MDGA2: variants seen among roughly 807,000 people sequenced by gnomAD.
MDGA2 encodes the protein MAM domain containing glycosylphosphatidylinositol anchor 2, also known as MAM domain-containing glycosylphosphatidylinositol anchor protein 2.
A neutral mutation model predicts 117.8 loss-of-function variants in MDGA2; 40 were observed. That is an observed-to-expected ratio of 0.34 (90% CI 0.26 to 0.44). The LOEUF is 0.44. MDGA2 is among the 20% of genes least tolerant of loss of function. The probability of loss-of-function intolerance (pLI) is 1.00; values close to 1 mark genes in which losing one functional copy is unlikely to be tolerated. For synonymous variants in MDGA2, 452 were observed against 439.0 expected (o/e 1.03, Z -0.37); for missense variants, 1,123 against 1,250.6 (o/e 0.90, Z 1.54).
intron 10 of MDGA2, among the ~76,000 whole-genome samples, chr14:46,899,717 G>T (rs753959848): frequency 6.6e-6 from 1 of 152,052 alleles, no homozygotes; most frequent in African/African-American, 2.4e-5. Flanking sequence ...AAGTGATTTT[G>T]TAAGTTGCTA....
intron 3 of MDGA2, among the ~76,000 whole-genome samples, chr14:47,155,879 CTTCTTCTTCTTTTTTTTTTTTTTTT>C (rs1883350834): frequency 2.2e-5 from 1 of 44,638 alleles, no homozygotes; most frequent in East Asian, 6.2e-4. Flanking sequence ...TTCTTTTCTT[CTTCTTCTTCTTTTTTTTTTTTTTTT>C]TTTTTTTTTT....
At chr14:47,178,616 A>G (rs1015767948) in intron 3 of MDGA2, among the ~76,000 whole-genome samples, 36 of 152,200 alleles carry the variant, frequency 2.4e-4, no homozygotes, top group African/African-American at 8.2e-4. Context: ...TAAATAAATA[A>G]AAGAACATTT....
At chr14:47,145,041 C>G (rs1882886227) in intron 3 of MDGA2, among the ~76,000 whole-genome samples, 1 of 151,758 alleles carries the variant, frequency 6.6e-6, no homozygotes, top group Non-Finnish European at 1.5e-5. Flanking sequence ...ATGTATAGTA[C>G]CAAAATATGA....
rs537075989 is a variant in MDGA2, at chr14:47,499,169, A to G, written c.280+175348T>C. Among the ~76,000 whole-genome samples, 12 of 152,238 alleles carry G rather than the reference A, an allele frequency of 7.9e-5. No individual in the cohort carries two copies. In the South Asian group the frequency reaches 2.3e-3, roughly 29 times the overall value. ...TAATTATTTCAGCTGGAACTAGTCC[A>G]TAATATAATATAATGGAACAAAGTT... On this transcript the variant is annotated intron_variant, in intron 1 of 16. Coordinates refer to ENST00000399232, the MANE Select transcript of MDGA2 (RefSeq NM_001113498.3).
Position 46,891,064 on chromosome 14 carries a change from G to A in MDGA2, c.2239-8843C>T, listed in dbSNP as rs142479376. 4.6e-3 allele frequency among the ~76,000 whole-genome samples: 696 copies of A among 152,012 alleles called. 8 individuals are homozygous for A. The highest frequency in any genetic ancestry group is 0.013 in the African/African-American group (524 of 41,512). On this transcript the variant is annotated intron_variant, in intron 10 of 16. Transcript: ENST00000399232. The stretch of plus-strand genomic sequence containing the variant: ...ATGAAAACAAAGACTGTCATTTTAC[G>A]TAGTCTTTAATATTCAGTACATATT...
At chr14:47,283,657 T>C (rs1888575487) in intron 2 of MDGA2, among the ~76,000 whole-genome samples, 1 of 152,258 alleles carries the variant, frequency 6.6e-6, no homozygotes, top group Non-Finnish European at 1.5e-5. Flanking sequence ...CTTGTCATTG[T>C]CAAATTCTCA....
At chr14:46,998,498 T>C (rs1433410441) in intron 8 of MDGA2, among the ~76,000 whole-genome samples, 2 of 152,084 alleles carry the variant, frequency 1.3e-5, no homozygotes, top group South Asian at 4.1e-4. Flanking sequence ...GTATTTAATT[T>C]TAAAACTCCA....
chr14:47,368,234 A>G (rs892360550), intron 1 of MDGA2, among the ~76,000 whole-genome samples: 1 of 152,138 alleles, frequency 6.6e-6, no homozygotes, highest in Non-Finnish European at 1.5e-5. Flanking sequence ...GTGAGCTGAG[A>G]CCACACCATT....
intron 1 of MDGA2, among the ~76,000 whole-genome samples, chr14:47,393,093 AAATAATAATAATAAT>A (rs10601470): frequency 6.8e-6 from 1 of 147,378 alleles, no homozygotes; most frequent in African/African-American, 2.5e-5. Context: ...CAGATAATTA[AAATAATAATAATAAT>A]AATAATAATA....
At chr14:47,131,285 T>A (rs1882192684) in intron 5 of MDGA2, among the ~76,000 whole-genome samples, 1 of 152,004 alleles carries the variant, frequency 6.6e-6, no homozygotes, top group Non-Finnish European at 1.5e-5. Flanking sequence ...TCTAAAAACA[T>A]CTATCTGAAA....
At chr14:47,379,711 G>T (rs570172428) in intron 1 of MDGA2, among the ~76,000 whole-genome samples, 1 of 152,298 alleles carries the variant, frequency 6.6e-6, no homozygotes. Context: ...GGAGCACCCA[G>T]ATTCATAAAG....
chr14:47,498,185 C>T (rs921716941), intron 1 of MDGA2, among the ~76,000 whole-genome samples: 4 of 152,138 alleles, frequency 2.6e-5, no homozygotes, highest in African/African-American at 9.7e-5. Flanking sequence ...GGACAGGAAA[C>T]CTGGCATGTT....
intron 7 of MDGA2, among the ~76,000 whole-genome samples, chr14:47,045,681 G>T (rs1045491873): frequency 2.6e-5 from 4 of 152,076 alleles, no homozygotes; most frequent in African/African-American, 9.7e-5. Context: ...ACAAGAAAGG[G>T]GGGGCAGGCG....
intron 1 of MDGA2, among the ~76,000 whole-genome samples, chr14:47,358,400 C>T (rs1891041709): frequency 6.6e-6 from 1 of 152,196 alleles, no homozygotes; most frequent in African/African-American, 2.4e-5. Flanking sequence ...ATTAGACTGT[C>T]ACCTGCCAAG....
chr14:47,291,081 A>G (rs1043690926), intron 2 of MDGA2, among the ~76,000 whole-genome samples: 2 of 152,204 alleles, frequency 1.3e-5, no homozygotes, highest in Non-Finnish European at 2.9e-5. Context: ...GAATCTACAC[A>G]GCATCTTTAT....
rs138958466 is a variant in MDGA2, at chr14:47,214,097, A to G, written c.595+3924T>C. 2.2e-3 allele frequency among the ~76,000 whole-genome samples: 328 copies of G among 152,216 alleles called. 4 individuals are homozygous for G. The highest frequency in any genetic ancestry group is 7.5e-3 in the African/African-American group (311 of 41,550). On this transcript the variant is annotated intron_variant, in intron 3 of 16. Coordinates refer to ENST00000399232, the MANE Select transcript of MDGA2 (RefSeq NM_001113498.3). ...GAACTGCATGGAAGAGACCACCTGC[A>G]TGATTCAATTACCTCCACCTGGTCT...
intron 6 of MDGA2, 96 bp downstream of exon 6, chr14:47,096,758 G>C (rs1438768946): frequency 8.5e-7 from 1 of 1,172,918 alleles, no homozygotes; most frequent in Admixed American, 2.0e-5. Flanking sequence ...ACAGATACAT[G>C]CAATATTTGA....
chr14:47,183,785 G>A (rs1225248648), intron 3 of MDGA2, among the ~76,000 whole-genome samples: 1 of 151,938 alleles, frequency 6.6e-6, no homozygotes, highest in Non-Finnish European at 1.5e-5. Context: ...TGACCTCCAC[G>A]AAATAGTTCA....
intron 1 of MDGA2, among the ~76,000 whole-genome samples, chr14:47,394,190 A>T (rs1891957276): frequency 6.6e-6 from 1 of 152,138 alleles, no homozygotes; most frequent in African/African-American, 2.4e-5. Context: ...TTGCTTTTTT[A>T]TCTGTTCATT....
Sources: gnomAD v4.1 joint callset for allele counts (sites outside exome capture counted in the v4.1 genomes callset) on GRCh38, gnomAD v4.1.1 for gene constraint, MANE v1.5 for transcripts, NCBI Gene and HGNC (gene_info 2026-07-23, HGNC 2026-07-21) for gene names.